Variants in SETD2 observed in about 807,000 individuals in gnomAD.
SETD2 encodes the protein SET domain containing 2, histone lysine methyltransferase, also known as histone-lysine N-methyltransferase SETD2.
In SETD2, 31 loss-of-function variants were observed where a neutral mutation model predicts 242.1. The observed-to-expected ratio is 0.13, with a 90% CI of 0.10 to 0.17. The LOEUF (loss-of-function observed/expected upper bound fraction) is 0.17, where lower values mean the gene tolerates loss of function less well. SETD2 is among the 10% of genes least tolerant of loss of function. The pLI is 1.00. For synonymous variants in SETD2, 1,006 were observed against 1,066.5 expected, an observed-to-expected ratio of 0.94 and a Z score of 1.11; for missense variants, 2,481 against 3,046.3, an observed-to-expected ratio of 0.81 and a Z score of 4.37.
chr3:47,119,774 CTTCA>C (rs1460742517), intron 3 of SETD2: 3 of 470,168 alleles, frequency 6.4e-6, no homozygotes, highest in African/African-American at 6.0e-5. Context: ...CCCAAAGATA[CTTCA>C]TTCTGCACAT....
Position 47,084,126 on chromosome 3 carries a change from C to A in SETD2, c.5654G>T (p.Ser1885Ile). ...KLMFRRLKIISENSMDSAISD... is the reference protein window; with the variant it reads ...KLMFRRLKIIIENSMDSAISD... ...GATTGCACTGTCCATGCTATTTTCA[C>A]TTATAATTTTCAGTCTGCGAAACAT... is the stretch of plus-strand genomic sequence containing the variant. Residue 1885 changes from serine (S) to isoleucine (I), a missense_variant, in exon 12 of 21, where the codon AGT becomes ATT. Ser to Ile is a moderately radical substitution (Grantham distance 142). Around this residue, in one of 17 missense-constraint regions of SETD2, gnomAD observed 203 missense variants for 222.4 expected, o/e 0.91. Transcript: ENST00000409792. The A allele has an allele frequency of 6.2e-7, 1 of 1,614,158 alleles. No individual in the cohort carries two copies. The highest frequency in any genetic ancestry group is 8.5e-7 in the Non-Finnish European group (1 of 1,180,014).
chr3:47,152,410 T>C (rs2044006942), intron 1 of SETD2, among the ~76,000 whole-genome samples: 1 of 152,230 alleles, frequency 6.6e-6, no homozygotes, highest in Non-Finnish European at 1.5e-5. Flanking sequence ...CAACCAGGTC[T>C]GTGTGTGCTC....
At chr3:47,124,876 C>A (rs4082156) in intron 2 of SETD2, among the ~76,000 whole-genome samples, 3 of 151,914 alleles carry the variant, frequency 2.0e-5, no homozygotes, top group Admixed American at 2.0e-4. Context: ...TTTTAAAAAC[C>A]TGACATATGT....
At chr3:47,032,421 C>G (rs2038811653) in intron 18 of SETD2, among the ~76,000 whole-genome samples, 1 of 151,816 alleles carries the variant, frequency 6.6e-6, no homozygotes, top group African/African-American at 2.4e-5. Flanking sequence ...TAGGTGGAGA[C>G]TACAGTGAAC....
chr3:47,134,172 C>T (rs530568012), intron 1 of SETD2, among the ~76,000 whole-genome samples: 16 of 152,224 alleles, frequency 1.1e-4, no homozygotes, highest in Middle Eastern at 3.4e-3. Flanking sequence ...TACACTATAC[C>T]TCATGTTTTG....
intron 13 of SETD2, among the ~76,000 whole-genome samples, chr3:47,063,056 G>C (rs1487551285): frequency 7.2e-5 from 11 of 152,246 alleles, no homozygotes; most frequent in Admixed American, 4.6e-4. Context: ...CAAAATCTGT[G>C]CATACTCAAG....
chr3:47,042,659 G>A lies in SETD2; in HGVS notation c.7140C>T (p.Pro2380=), dbSNP rs1361147882. 4 of 1,611,426 alleles carry A rather than the reference G, an allele frequency of 2.5e-6. No homozygotes were observed. The highest frequency in any genetic ancestry group is 1.3e-5 in the African/African-American group (1 of 74,628). The change falls in exon 17 of 21, where the codon CCC becomes CCT. Residue 2380 remains proline, a synonymous_variant. Transcript: ENST00000409792. ...TGGTTTTTGGTTTGGGAGGAGAGGGGGGCGGCAGATCCAAGAGATTATTTG... is the reference window on the plus strand; with the variant it reads ...TGGTTTTTGGTTTGGGAGGAGAGGGAGGCGGCAGATCCAAGAGATTATTTG... ...VVTNNLLDLP[P]PSPPKPKTIV...
chr3:47,123,572 G>A lies in SETD2; in HGVS notation c.1064C>T (p.Ser355Leu), dbSNP rs2106707005. 2 of 1,550,296 alleles carry A rather than the reference G, an allele frequency of 1.3e-6. No homozygotes were observed. The highest frequency in any genetic ancestry group is 1.7e-6 in the Non-Finnish European group (2 of 1,146,870). The change falls in exon 3 of 21, where the codon TCA becomes TTA. Residue 355 changes from serine to leucine, a missense_variant. By Grantham distance (145) the Ser-to-Leu change is moderately radical. Around this residue, in one of 17 missense-constraint regions of SETD2, gnomAD observed 38 missense variants for 61.0 expected, o/e 0.62. Coordinates refer to ENST00000409792, the MANE Select transcript of SETD2 (RefSeq NM_014159.7). ...TAGATCCTCACTTTTTAAAGGTGCT[G>A]AGCTCTTTTTAAAATCTCTTTCCTT... ...IEKERDFKKS[S>L]APLKSEDLGK...
At chr3:47,116,528 G>T (rs2107727114) in intron 4 of SETD2, 95 bp downstream of exon 4, 11 of 1,302,386 alleles carry the variant, frequency 8.4e-6, no homozygotes, top group Non-Finnish European at 1.2e-5. Context: ...CCATAGGTAG[G>T]AGAAAGGTTA....
Position 47,120,853 on chromosome 3 carries a change from G to A in SETD2, c.3783C>T (p.Asp1261=), listed in dbSNP as rs764191157. The A allele has an allele frequency of 3.1e-6, 5 of 1,614,216 alleles. No individual in the cohort carries two copies. The highest frequency in any genetic ancestry group is 4.2e-6 in the Non-Finnish European group (5 of 1,180,026). The change falls in exon 3 of 21, where the codon GAC becomes GAT. Residue 1261 remains aspartate, a synonymous_variant. Coordinates refer to ENST00000409792, the MANE Select transcript of SETD2 (RefSeq NM_014159.7). Reference sequence around the variant, plus strand: ...TGGTAGAAGGCTTTTCTTGAGAGAAGTCCCAACCTAAGTTTCTGAGCTCTT... The same window carrying A: ...TGGTAGAAGGCTTTTCTTGAGAGAAATCCCAACCTAAGTTTCTGAGCTCTT... The part of the protein sequence containing the change: ...SSEELRNLGW[D]FSQEKPSTTY...
chr3:47,064,204 G>A (rs2040458648), intron 13 of SETD2, among the ~76,000 whole-genome samples: 1 of 152,154 alleles, frequency 6.6e-6, no homozygotes, highest in South Asian at 2.1e-4. Flanking sequence ...CAGCAACCGA[G>A]TTAGGTTTCA....
intron 14 of SETD2, among the ~76,000 whole-genome samples, chr3:47,060,489 T>C (rs1345095500): frequency 6.6e-6 from 1 of 152,110 alleles, no homozygotes; most frequent in Non-Finnish European, 1.5e-5. Flanking sequence ...AAAGAGATCT[T>C]CCCATATATG....
intron 5 of SETD2, among the ~76,000 whole-genome samples, chr3:47,106,339 C>T (rs1575783842): frequency 6.6e-6 from 1 of 151,868 alleles, no homozygotes; most frequent in East Asian, 1.9e-4. Context: ...TTCTAAGATG[C>T]TTTTATAATT....
At chr3:47,087,514 C>T (rs2041614745) in intron 10 of SETD2, among the ~76,000 whole-genome samples, 1 of 152,168 alleles carries the variant, frequency 6.6e-6, no homozygotes, top group South Asian at 2.1e-4. Context: ...GGCAGTAATG[C>T]TCACTCACCT....
intron 15 of SETD2, among the ~76,000 whole-genome samples, chr3:47,049,345 A>ATTCT (rs1553682175): frequency 2.7e-5 from 3 of 111,190 alleles, no homozygotes; most frequent in African/African-American, 1.1e-4. Flanking sequence ...ATATATATAT[A>ATTCT]TATGTATTCT....
At chr3:47,069,326 C>G (rs1222583331) in intron 12 of SETD2, among the ~76,000 whole-genome samples, 1 of 152,142 alleles carries the variant, frequency 6.6e-6, no homozygotes, top group Non-Finnish European at 1.5e-5. Context: ...TGCACAAATG[C>G]AGGTGACATC....
chr3:47,058,678 T>C (rs1357958315), intron 14 of SETD2, among the ~76,000 whole-genome samples: 2 of 151,806 alleles, frequency 1.3e-5, no homozygotes, highest in Non-Finnish European at 2.9e-5. Context: ...TCAAATGCTA[T>C]ATACTATATA....
intron 9 of SETD2, among the ~76,000 whole-genome samples, chr3:47,096,845 T>C (rs1430908202): frequency 1.3e-5 from 2 of 152,230 alleles, no homozygotes; most frequent in Admixed American, 1.3e-4. Context: ...CCAATGCATT[T>C]GTTCATGTTG....
chr3:47,036,748 C>T (rs2039013466), intron 18 of SETD2, among the ~76,000 whole-genome samples: 1 of 151,644 alleles, frequency 6.6e-6, no homozygotes, highest in African/African-American at 2.4e-5. Context: ...ACTACAAATA[C>T]AAAAATTAGC....
Sources: gnomAD v4.1 joint callset for allele counts (sites outside exome capture counted in the v4.1 genomes callset) on GRCh38, gnomAD v4.1.1 for gene constraint, gnomAD v4.1.1 regional missense constraint, MANE v1.5 for transcripts, NCBI Gene and HGNC (gene_info 2026-07-23, HGNC 2026-07-21) for gene names.